Variants in DUOXA2 observed in about 807,000 individuals in gnomAD.
DUOXA2 encodes dual oxidase maturation factor 2.
In DUOXA2, 22 loss-of-function variants were observed where a neutral mutation model predicts 27.6. The ratio of observed to expected loss-of-function variants is 0.80; its 90% CI spans 0.57 to 1.14. DUOXA2 has a LOEUF of 1.14. Among genes scored for constraint, DUOXA2 ranks in the 50% most tolerant of loss-of-function variants. DUOXA2 has a pLI of 0.00. For missense variants in DUOXA2, 481 were observed against 419.9 expected (o/e 1.15, Z -1.27); for synonymous variants, 188 against 184.4 (o/e 1.02, Z -0.16).
At chr15:45,116,362 T>C (rs1894629336) in intron 3 of DUOXA2, 104 bp downstream of exon 3, 1 of 1,558,304 alleles carries the variant, frequency 6.4e-7, no homozygotes, top group African/African-American at 1.4e-5. Context: ...CAAGCTCAAA[T>C]AGCTTGTGGT....
chr15:45,114,661 G>T lies in DUOXA2; in HGVS notation c.56G>T (p.Gly19Val), dbSNP rs748004520. Residue 19 changes from glycine (G) to valine (V), a missense_variant, in exon 1 of 6, where the codon GGC becomes GTC. Coordinates refer to ENST00000323030, the MANE Select transcript of DUOXA2 (RefSeq NM_207581.4). ...TACCCCCAGCCCCGGCATGCCGCAG[G>T]CTTCAGCGTTCCACTGCTCATCGTT... Reference protein sequence around the residue: ...PFYPQPRHAAGFSVPLLIVIL... With the variant: ...PFYPQPRHAAVFSVPLLIVIL... The T allele has an allele frequency of 3.1e-6, 5 of 1,614,110 alleles. No individual in the cohort carries two copies. The African/African-American group carries it at 5.3e-5, about 17-fold the overall frequency.
At chr15:45,115,643 G>A (rs543223045) in intron 1 of DUOXA2, 156 bp from the exon 2 acceptor site, 384 of 887,454 alleles carry the variant, frequency 4.3e-4, no homozygotes, top group Non-Finnish European at 6.5e-4. Flanking sequence ...TATCAGAAAT[G>A]CCAGTAGCCC....
Position 45,117,645 on chromosome 15 carries a change from T to C in DUOXA2, c.770-71T>C, listed in dbSNP as rs1344330663. 4 of 1,613,556 alleles carry C rather than the reference T, an allele frequency of 2.5e-6. No homozygotes were observed. The Admixed American group carries it at 6.7e-5, about 27-fold the overall frequency. On this transcript the variant is annotated intron_variant, in intron 5 of 5. Transcript: ENST00000323030. ...GCAGGAAGGTCGTTTGAGGCCAGAGTTCGAGACCAGCCTGGGCAACATAGC... is the reference window on the plus strand; with the variant it reads ...GCAGGAAGGTCGTTTGAGGCCAGAGCTCGAGACCAGCCTGGGCAACATAGC...
intron 3 of DUOXA2, 53 bp from the exon 4 acceptor site, chr15:45,116,463 A>G: frequency 6.2e-7 from 1 of 1,600,378 alleles, no homozygotes; most frequent in Admixed American, 1.7e-5. Context: ...GAATCCGCTT[A>G]GTTGCGAGGT....
In DUOXA2 at chr15:45,115,787, C is replaced by T; in HGVS notation, c.148-12C>T. On this transcript the variant is annotated splice_polypyrimidine_tract_variant and intron_variant, in intron 1 of 5. Coordinates refer to ENST00000323030, the MANE Select transcript of DUOXA2 (RefSeq NM_207581.4). The stretch of plus-strand genomic sequence containing the variant: ...CAGGGCTCAGGCCTGACCCGGGTGC[C>T]TATTCCTGCAGCGCTGGTTTTGGTT... 1.2e-6 allele frequency: 2 copies of T among 1,614,152 alleles called. No homozygotes were observed. The highest frequency in any genetic ancestry group is 2.7e-5 in the African/African-American group (2 of 75,024).
chr15:45,114,705 C>T lies in DUOXA2; in HGVS notation c.100C>T (p.Leu34=). 1 of 1,614,236 alleles carries T rather than the reference C, an allele frequency of 6.2e-7. No individual in the cohort carries two copies. The highest frequency in any genetic ancestry group is 8.5e-7 in the Non-Finnish European group (1 of 1,180,038). Residue 34 remains leucine, a synonymous_variant, in exon 1 of 6, where the codon CTA becomes TTA. Transcript: ENST00000323030. ...CATCGTTATTCTAGTGTTTTTGGCT[C>T]TAGCAGCAAGCTTCCTGCTCATCTT... is the stretch of plus-strand genomic sequence containing the variant. ...LLIVILVFLA[L]AASFLLILPG...
At chr15:45,115,716 T>C in intron 1 of DUOXA2, 83 bp from the exon 2 acceptor site, 1 of 1,516,632 alleles carries the variant, frequency 6.6e-7, no homozygotes, top group African/African-American at 1.4e-5. Flanking sequence ...TAACTAAAGA[T>C]CCAGGTGAAG....
rs1894825078 is a variant in DUOXA2, at chr15:45,118,314, C to G, written c.*405C>G. On this transcript the variant is annotated 3_prime_UTR_variant, in exon 6 of 6. Coordinates refer to ENST00000323030, the MANE Select transcript of DUOXA2 (RefSeq NM_207581.4). Reference sequence around the variant, plus strand: ...ATCTTTCTGAACCACCCCAGGGGGACGTTAGGTGGCAGTGATGAGGCAGGT... The same window carrying G: ...ATCTTTCTGAACCACCCCAGGGGGAGGTTAGGTGGCAGTGATGAGGCAGGT... 8.1e-7 allele frequency: 1 copy of G among 1,236,274 alleles called. No individual in the cohort carries two copies. Among genetic ancestry groups the G allele is most frequent in the African/African-American group, 1.5e-5 (1 of 64,866 alleles). 76.6% of individuals were successfully genotyped at this position (1,236,274 alleles called of 1,614,324 possible).
In DUOXA2 at chr15:45,115,759, T is replaced by A. The variant is rs1037518804; in HGVS notation, c.148-40T>A. 3 of 1,613,846 alleles carry A rather than the reference T, an allele frequency of 1.9e-6. No homozygotes were observed. The African/African-American group carries it at 4.0e-5, about 22-fold the overall frequency. Reference sequence around the variant, plus strand: ...AAGGGTGGTCTTGGGGACTCTGGTTTGGCAGGGCTCAGGCCTGACCCGGGT... The same window carrying A: ...AAGGGTGGTCTTGGGGACTCTGGTTAGGCAGGGCTCAGGCCTGACCCGGGT... On this transcript the variant is annotated intron_variant, in intron 1 of 5. Coordinates refer to ENST00000323030, the MANE Select transcript of DUOXA2 (RefSeq NM_207581.4).
rs1183453164 is a variant in DUOXA2 at position 45,118,185 on chromosome 15, C to T, written c.*276C>T. The T allele has an allele frequency of 7.0e-7, 1 of 1,431,682 alleles. No homozygotes were observed. Among genetic ancestry groups the T allele is most frequent in the Non-Finnish European group, 9.1e-7 (1 of 1,098,358 alleles). The allele number at this position is 1,431,682 out of a possible 1,614,324, so 88.7% of individuals were successfully genotyped here. On this transcript the variant is annotated 3_prime_UTR_variant, in exon 6 of 6. Transcript: ENST00000323030. Reference sequence around the variant, plus strand: ...ATGAGCTTCGCTGGGCTGGAGACAGCCTAGTACACTCTCCGCAGTGCTGTG... The same window carrying T: ...ATGAGCTTCGCTGGGCTGGAGACAGTCTAGTACACTCTCCGCAGTGCTGTG...
In DUOXA2 at chr15:45,117,131, T is replaced by C; in HGVS notation, c.595T>C (p.Ser199Pro). The C allele has an allele frequency of 1.2e-6, 2 of 1,601,206 alleles. No homozygotes were observed. The highest frequency in any genetic ancestry group is 1.7e-6 in the Non-Finnish European group (2 of 1,179,874). Reference sequence around the variant, plus strand: ...CTGGCTCCTCTCCAACGTGCTGCTCTCCACGCCGGCCCCGCTCTACGGAGG... The same window carrying C: ...CTGGCTCCTCTCCAACGTGCTGCTCCCCACGCCGGCCCCGCTCTACGGAGG... ...CFWLLSNVLL[S>P]TPAPLYGGLA... Residue 199 changes from serine to proline, a missense_variant, in exon 5 of 6, where the codon TCC (serine) becomes CCC (proline). Ser to Pro is a moderately conservative substitution (Grantham distance 74). Transcript: ENST00000323030.
intron 4 of DUOXA2, 119 bp from the exon 5 acceptor site, chr15:45,116,972 C>T: frequency 2.3e-6 from 3 of 1,280,164 alleles, no homozygotes; most frequent in Non-Finnish European, 3.2e-6. Flanking sequence ...TCCCCTGCAC[C>T]GCTGCCATCC....
At position 45,114,565 on chromosome 15, in the gene DUOXA2, T is replaced by C. The variant is rs376030152; in HGVS notation, c.-41T>C. 8 of 1,611,148 alleles carry C rather than the reference T, an allele frequency of 5.0e-6. No homozygotes were observed. Among genetic ancestry groups the C allele is most frequent in the East Asian group, 4.5e-5 (2 of 44,822 alleles). On this transcript the variant is annotated 5_prime_UTR_variant, in exon 1 of 6. Coordinates refer to ENST00000323030, the MANE Select transcript of DUOXA2 (RefSeq NM_207581.4). ...GTCCAGGCAGCCCCAGCTTGCTGGC[T>C]TGCCTGCCCGCCTGCGTGCAGCACT... is the stretch of plus-strand genomic sequence containing the variant.
chr15:45,116,873 T>A (rs1894661034), intron 4 of DUOXA2, 144 bp downstream of exon 4: 1 of 1,101,264 alleles, frequency 9.1e-7, no homozygotes, highest in African/African-American at 1.6e-5. Context: ...CCTCGCGGGT[T>A]AGAAGATCCA....
chr15:45,117,436 C>T, intron 5 of DUOXA2, 131 bp downstream of exon 5: 1 of 1,528,144 alleles, frequency 6.5e-7, no homozygotes, highest in Non-Finnish European at 8.8e-7. Context: ...TTCGCAGAAA[C>T]AGGCACTGTT....
Position 45,114,592 on chromosome 15 carries a change from G to C in DUOXA2, c.-14G>C, listed in dbSNP as rs200016858. 748 of 1,613,438 alleles carry C rather than the reference G, an allele frequency of 4.6e-4. 1 individual carries two copies. Among genetic ancestry groups the C allele is most frequent in the Non-Finnish European group, 6.1e-4 (723 of 1,179,888 alleles). On this transcript the variant is annotated 5_prime_UTR_variant, in exon 1 of 6. Coordinates refer to ENST00000323030, the MANE Select transcript of DUOXA2 (RefSeq NM_207581.4). ...GCCTGCCCGCCTGCGTGCAGCACTC[G>C]GCCGGCGTGCAGCATGACCCTGTGG... is the stretch of plus-strand genomic sequence containing the variant.
chr15:45,115,290 C>A (rs1016762935), intron 1 of DUOXA2: 1 of 371,530 alleles, frequency 2.7e-6, no homozygotes, highest in Non-Finnish European at 5.4e-6. Context: ...CTAGGTTGTG[C>A]ATTTTTCAGT....
rs373073571 is a variant in DUOXA2 at position 45,114,780 on chromosome 15, A to G, written c.147+28A>G. On this transcript the variant is annotated intron_variant, in intron 1 of 5. Transcript: ENST00000323030. ...AAGGGTGTCCTCATAGTGCAGGTAG[A>G]GTGGGGGAAGGCTCATGGGCAGATT... is the stretch of plus-strand genomic sequence containing the variant. The G allele has an allele frequency of 2.7e-5, 43 of 1,613,966 alleles. No homozygotes were observed. In the African/African-American group the frequency reaches 5.5e-4, roughly 21 times the overall value.
In DUOXA2 at chr15:45,117,869, C is replaced by T; in HGVS notation, c.923C>T (p.Ala308Val). 1.2e-6 allele frequency: 2 copies of T among 1,613,634 alleles called. No individual in the cohort carries two copies. The highest frequency in any genetic ancestry group is 1.7e-6 in the Non-Finnish European group (2 of 1,180,032). The change falls in exon 6 of 6, where the codon GCC (alanine) becomes GTC (valine). Residue 308 changes from alanine (A) to valine (V), a missense_variant. Transcript: ENST00000323030. The stretch of plus-strand genomic sequence containing the variant: ...CTCGGCGACCCACTGCACAAGCAGG[C>T]CGCTCTCCCAGACTTAAAATGTATC... Reference protein sequence around the residue: ...LILGDPLHKQAALPDLKCITT... With the variant: ...LILGDPLHKQVALPDLKCITT...
Sources: allele counts gnomAD v4.1 joint callset, GRCh38; gene constraint gnomAD v4.1.1; transcripts MANE v1.5; gene names NCBI Gene and HGNC (gene_info 2026-07-23, HGNC 2026-07-21).